The following PNPLA7 variants were observed in gnomAD, a reference collection of about 807,000 sequenced individuals.
PNPLA7 encodes patatin like domain 7, lysophospholipase.
In PNPLA7, 153 loss-of-function variants were observed where a neutral mutation model predicts 161.7. The ratio of observed to expected loss-of-function variants is 0.95; its 90% CI spans 0.83 to 1.08. The LOEUF (loss-of-function observed/expected upper bound fraction) is 1.08, where lower values mean the gene tolerates loss of function less well. Ranked by LOEUF, PNPLA7 falls within the 50% of genes least tolerant of loss-of-function variation. The probability of loss-of-function intolerance (pLI) is 0.00; values close to 1 mark genes in which losing one functional copy is unlikely to be tolerated. For missense variants in PNPLA7, 1,739 were observed against 1,856.6 expected (o/e 0.94, Z 1.16); for synonymous variants, 809 against 782.1 (o/e 1.03, Z -0.57).
chr9:137,478,136 T>A lies in PNPLA7; in HGVS notation c.2780A>T (p.His927Leu), dbSNP rs73567240. 3 of 1,338,268 alleles carry A rather than the reference T, an allele frequency of 2.2e-6. No individual in the cohort carries two copies. The highest frequency in any genetic ancestry group is 7.9e-5 in the Admixed American group (2 of 25,466). The allele number at this position is 1,338,268 out of a possible 1,614,324, so 82.9% of individuals were successfully genotyped here. ...SLPKLVEMYK[H>L]VFQRPPDRHS... ...TCGGTCCGGGGGCCGCTGGAAGACA[T>A]GCTTGTACATCTCCACCTGGGGGAG... The change falls in exon 25 of 35, where the codon CAT becomes CTT. Residue 927 changes from histidine to leucine, a missense_variant. Around this residue, in one of 6 missense-constraint regions of PNPLA7, gnomAD observed 703 missense variants for 694.6 expected, o/e 1.01. Coordinates refer to ENST00000406427, the MANE Select transcript of PNPLA7 (RefSeq NM_001098537.3).
intron 4 of PNPLA7, among the ~76,000 whole-genome samples, chr9:137,546,455 C>G (rs1389674064): frequency 6.6e-6 from 1 of 152,120 alleles, no homozygotes; most frequent in African/African-American, 2.4e-5. Context: ...TACACTCTCT[C>G]GTCTCCGCAC....
chr9:137,514,216 G>A (rs1241487933), intron 12 of PNPLA7, among the ~76,000 whole-genome samples: 3 of 146,758 alleles, frequency 2.0e-5, no homozygotes, highest in Non-Finnish European at 4.5e-5. Flanking sequence ...CGGGTCACTC[G>A]GATGTTGATG....
rs765735051 is a variant in PNPLA7 at position 137,528,399 on chromosome 9, C to A, written c.748-5542G>T. 3.7e-4 allele frequency among the ~76,000 whole-genome samples: 56 copies of A among 152,130 alleles called. 1 individual carries two copies. The highest frequency in any genetic ancestry group is 2.5e-3 in the Admixed American group (38 of 15,276). On this transcript the variant is annotated intron_variant, in intron 8 of 34. Coordinates refer to ENST00000406427, the MANE Select transcript of PNPLA7 (RefSeq NM_001098537.3). ...CCAGGCTGGAGTGCCATGGCACAGT[C>A]GTGGCTCACTGCAACCTCTGCCTCC... is the stretch of plus-strand genomic sequence containing the variant.
intron 21 of PNPLA7, among the ~76,000 whole-genome samples, chr9:137,481,394 T>C (rs1217337273): frequency 1.3e-5 from 2 of 152,192 alleles, no homozygotes; most frequent in Non-Finnish European, 1.5e-5. Context: ...GATAACGTAA[T>C]TTCCAAAACC....
chr9:137,549,944 T>C (rs1272495184), intron 1 of PNPLA7, among the ~76,000 whole-genome samples: 1 of 152,192 alleles, frequency 6.6e-6, no homozygotes, highest in Non-Finnish European at 1.5e-5. Context: ...ACAATGCCCA[T>C]GGGCCACCAC....
At chr9:137,539,611 A>G (rs1365871939) in intron 8 of PNPLA7, among the ~76,000 whole-genome samples, 1 of 152,140 alleles carries the variant, frequency 6.6e-6, no homozygotes, top group African/African-American at 2.4e-5. Flanking sequence ...GGAGGTTGCA[A>G]TGAGCAAAGA....
At position 137,523,317 on chromosome 9, in the gene PNPLA7, C is replaced by T. The variant is rs1433982288; in HGVS notation, c.748-460G>A. Among the ~76,000 whole-genome samples, 2 of 151,990 alleles carry T rather than the reference C, an allele frequency of 1.3e-5. No homozygotes were observed. The highest frequency in any genetic ancestry group is 2.9e-5 in the Non-Finnish European group (2 of 68,002). ...GGAGCCACCACTGTCAAATGCCCAC[C>T]GCCACAGTGGGGTCACCGCCTAGGA... is the stretch of plus-strand genomic sequence containing the variant. On this transcript the variant is annotated intron_variant, in intron 8 of 34. Coordinates refer to ENST00000406427, the MANE Select transcript of PNPLA7 (RefSeq NM_001098537.3). This position sits in a 1 kb window ranked among gnomAD's most constrained non-coding sequence, Gnocchi z 4.4.
chr9:137,492,111 C>A (rs1001316136), intron 20 of PNPLA7: 58 of 985,172 alleles, frequency 5.9e-5, no homozygotes, highest in Non-Finnish European at 5.8e-5. Context: ...TATGTGGGAC[C>A]TGGTGAGAGA....
chr9:137,462,114 G>A, intron 31 of PNPLA7, 65 bp downstream of exon 31: 2 of 1,517,642 alleles, frequency 1.3e-6, no homozygotes, highest in Non-Finnish European at 1.8e-6. Context: ...AAAGGGGGAA[G>A]CGAGGAGGGG....
rs1267787675 is a variant in PNPLA7 at position 137,495,042 on chromosome 9, C to A, written c.2118G>T (p.Arg706Ser). The A allele has an allele frequency of 3.1e-6, 5 of 1,609,592 alleles. No individual in the cohort carries two copies. In the South Asian group the frequency reaches 5.5e-5, roughly 18 times the overall value. ...CCCACGCCATGCTCACCTGTGGGTA[C>A]CTGCGCTTGATGGACGTGAGGGCTC... ...PAGALTSIKR[R>S]YPQVVTRLIH... The change falls in exon 19 of 35, where the codon AGG (arginine) becomes AGT (serine). Residue 706 changes from arginine to serine, a missense_variant. Arg to Ser is a moderately radical substitution (Grantham distance 110). Around this residue, in one of 6 missense-constraint regions of PNPLA7, gnomAD observed 192 missense variants for 249.5 expected, o/e 0.77. Transcript: ENST00000406427.
chr9:137,487,395 G>A (rs150476357), intron 20 of PNPLA7, among the ~76,000 whole-genome samples: 2 of 152,356 alleles, frequency 1.3e-5, no homozygotes, highest in African/African-American at 4.8e-5. Context: ...AAGTGTCGCC[G>A]TGGGGCTCAT....
At chr9:137,480,534 G>C in intron 22 of PNPLA7, 54 bp from the exon 23 acceptor site, 1 of 1,546,812 alleles carries the variant, frequency 6.5e-7, no homozygotes, top group Non-Finnish European at 8.7e-7. Flanking sequence ...GGCACTCTTA[G>C]CACATGTCCC....
rs574455916 is a variant in PNPLA7 at position 137,509,386 on chromosome 9, T to C, written c.1226-3303A>G. ...AGCTAGTACGAATGAGTTTAGCCGG[T>C]ATGAGTGAGTTTAGCCGGCGTGAGT... On this transcript the variant is annotated intron_variant, in intron 12 of 34. Coordinates refer to ENST00000406427, the MANE Select transcript of PNPLA7 (RefSeq NM_001098537.3). 9.2e-4 allele frequency: 173 copies of C among 187,278 alleles called. 2 individuals carry two copies. Among genetic ancestry groups the C allele is most frequent in the African/African-American group, 4.1e-3 (167 of 40,954 alleles). The allele number at this position is 187,278 out of a possible 1,614,324, so 11.6% of individuals were successfully genotyped here.
rs778931355 is a variant in PNPLA7 at position 137,492,974 on chromosome 9, G to A, written c.2197+39C>T. On this transcript the variant is annotated intron_variant, in intron 20 of 34. Coordinates refer to ENST00000406427, the MANE Select transcript of PNPLA7 (RefSeq NM_001098537.3). The stretch of plus-strand genomic sequence containing the variant: ...TGGGCGGGGCTCCAGGACTGGGTGA[G>A]GGCTCCCAGGAGGCTCTGGGTTGGG... 5.0e-6 allele frequency: 8 copies of A among 1,592,074 alleles called. No homozygotes were observed. The South Asian group carries it at 5.5e-5, about 11-fold the overall frequency.
chr9:137,511,642 T>TG (rs979798222), intron 12 of PNPLA7, among the ~76,000 whole-genome samples: 2 of 152,196 alleles, frequency 1.3e-5, no homozygotes, highest in Non-Finnish European at 2.9e-5. Flanking sequence ...CCAGTTCTTG[T>TG]GGGGGGCCTG....
chr9:137,504,235 G>A (rs1833793323), intron 14 of PNPLA7, among the ~76,000 whole-genome samples: 1 of 152,060 alleles, frequency 6.6e-6, no homozygotes, highest in Admixed American at 6.5e-5. Flanking sequence ...CTTTGGGACA[G>A]AGTTTCACTC....
In PNPLA7 at chr9:137,467,254, T is replaced by A. The variant is rs1283909503; in HGVS notation, c.3039+63A>T. ...CATGCAGAGGCCAACGGCCCCAGCG[T>A]CCCCCAGCACCAGCAAGGACCTGGG... On this transcript the variant is annotated intron_variant, in intron 26 of 34. Transcript: ENST00000406427. The surrounding 1 kb of genome is among the most constrained non-coding windows in gnomAD (Gnocchi z 5.1). 6.5e-7 allele frequency: 1 copy of A among 1,531,468 alleles called. No homozygotes were observed. The highest frequency in any genetic ancestry group is 8.8e-7 in the Non-Finnish European group (1 of 1,135,534). 94.9% of individuals were successfully genotyped at this position (1,531,468 alleles called of 1,614,324 possible).
At chr9:137,494,416 C>A (rs1426483911) in intron 19 of PNPLA7, among the ~76,000 whole-genome samples, 1 of 152,210 alleles carries the variant, frequency 6.6e-6, no homozygotes, top group Admixed American at 6.5e-5. Flanking sequence ...TCACCGCCCC[C>A]ACCCAGCTGG....
intron 8 of PNPLA7, among the ~76,000 whole-genome samples, chr9:137,536,833 GC>G (rs2132592355): frequency 1.3e-5 from 2 of 150,780 alleles, no homozygotes; most frequent in South Asian, 4.2e-4. Context: ...AAGCATGGGG[GC>G]CATCCTCCGA....
Sources: allele counts gnomAD v4.1 joint callset (sites outside exome capture counted in the v4.1 genomes callset), GRCh38; gene constraint gnomAD v4.1.1; regional missense constraint gnomAD v4.1.1; non-coding constraint Gnocchi (gnomAD v3.1); transcripts MANE v1.5; gene names NCBI Gene and HGNC (gene_info 2026-07-23, HGNC 2026-07-21).